The following UBR3 variants were observed in gnomAD, a reference collection of about 807,000 sequenced individuals.
UBR3 encodes ubiquitin protein ligase E3 component n-recognin 3.
Under a neutral mutation model 243.2 loss-of-function variants are expected in UBR3, and 85 were observed. That is an observed-to-expected ratio of 0.35 (90% CI 0.29 to 0.42). The LOEUF (loss-of-function observed/expected upper bound fraction) is 0.42, where lower values mean the gene tolerates loss of function less well. Ranked by LOEUF, UBR3 falls within the 10% of genes least tolerant of loss-of-function variation. The pLI, the probability that UBR3 is intolerant of heterozygous loss-of-function variation, is 1.00. For missense variants in UBR3, 1,686 were observed against 2,300.8 expected (o/e 0.73, Z 5.47); for synonymous variants, 748 against 799.8 (o/e 0.94, Z 1.09).
At chr2:169,954,165 T>TTTGTCTTGTC (rs77961475) in intron 23 of UBR3, among the ~76,000 whole-genome samples, 9,165 of 140,764 alleles carry the variant, frequency 0.065, 358 homozygotes, top group Middle Eastern at 0.1. Flanking sequence ...TAATGTTTGA[T>TTTGTCTTGTC]TTGTCTTGTC....
chr2:169,982,343 TATAA>T (rs1448062164), intron 24 of UBR3, among the ~76,000 whole-genome samples: 5 of 152,284 alleles, frequency 3.3e-5, no homozygotes, highest in African/African-American at 1.2e-4. Flanking sequence ...TTGATTGTTC[TATAA>T]ATACTTATTT....
chr2:169,872,799 A>C (rs898307151), intron 2 of UBR3, among the ~76,000 whole-genome samples: 4 of 151,960 alleles, frequency 2.6e-5, no homozygotes, highest in Admixed American at 2.6e-4. Context: ...TATTCTCTCT[A>C]TATATTATAT....
chr2:169,968,068 T>C (rs2087909871), intron 24 of UBR3, among the ~76,000 whole-genome samples: 1 of 152,176 alleles, frequency 6.6e-6, no homozygotes, highest in East Asian at 1.9e-4. Flanking sequence ...TAAAAAAATT[T>C]AATATTTACA....
At chr2:169,861,536 T>C (rs1320512229) in intron 1 of UBR3, among the ~76,000 whole-genome samples, 1 of 149,182 alleles carries the variant, frequency 6.7e-6, no homozygotes, top group Non-Finnish European at 1.5e-5. Context: ...GAACCTGGGA[T>C]GTGGAGGTTG....
At chr2:170,023,650 T>C (rs949046306) in intron 30 of UBR3, among the ~76,000 whole-genome samples, 1 of 152,136 alleles carries the variant, frequency 6.6e-6, no homozygotes, top group Non-Finnish European at 1.5e-5. Context: ...TGGAGTCCAG[T>C]GGTACGGTCT....
Position 169,950,618 on chromosome 2 carries a change from GA to G in UBR3, c.3545+562del, listed in dbSNP as rs201332443. Reference sequence around the variant, plus strand: ...TTTTTTTTCATCTTTTGACTTTCTTGAAAAAAAAATGGGATTTTTTTAAAAT... The same window carrying G: ...TTTTTTTTCATCTTTTGACTTTCTTGAAAAAAAATGGGATTTTTTTAAAAT... On this transcript the variant is annotated intron_variant, in intron 23 of 38. Transcript: ENST00000272793. Among the ~76,000 whole-genome samples the G allele has an allele frequency of 3.0e-3, 428 of 144,282 alleles. 2 individuals carry two copies. Among genetic ancestry groups the G allele is most frequent in the African/African-American group, 9.9e-3 (386 of 38,808 alleles). The allele number at this position is 144,282 out of a possible 152,430, so 94.7% of individuals were successfully genotyped here.
Position 169,878,592 on chromosome 2 carries a change from A to G in UBR3, c.1038+18A>G, listed in dbSNP as rs368421407. 7.4e-5 allele frequency: 114 copies of G among 1,545,814 alleles called. No homozygotes were observed. Among genetic ancestry groups the G allele is most frequent in the Admixed American group, 1.6e-4 (8 of 50,574 alleles). On this transcript the variant is annotated intron_variant, in intron 5 of 38. Transcript: ENST00000272793. ...CAGATGAGGTGAGATTTAAAGTTCA[A>G]AACTTTTTAAAAAGTACAATTTTGT...
At chr2:169,885,771 GAC>G (rs999218702) in intron 5 of UBR3, among the ~76,000 whole-genome samples, 2 of 151,900 alleles carry the variant, frequency 1.3e-5, no homozygotes, top group African/African-American at 4.8e-5. Context: ...CTTTATTCAA[GAC>G]ACAATCCAAG....
At chr2:170,065,180 GTTAC>G (rs1238252529) in intron 35 of UBR3, among the ~76,000 whole-genome samples, 2 of 152,178 alleles carry the variant, frequency 1.3e-5, no homozygotes, top group African/African-American at 4.8e-5. Context: ...AATCTGTCAA[GTTAC>G]TTCCCAAATC....
chr2:169,913,353 GT>G (rs1291144748), intron 10 of UBR3, among the ~76,000 whole-genome samples: 1 of 107,554 alleles, frequency 9.3e-6, no homozygotes, highest in Non-Finnish European at 2.4e-5. Context: ...TTGTTTGTTT[GT>G]TTTTTGTTTT....
intron 24 of UBR3, among the ~76,000 whole-genome samples, chr2:169,972,444 A>G (rs1455493271): frequency 6.6e-5 from 10 of 152,184 alleles, no homozygotes; most frequent in Non-Finnish European, 1.2e-4. Flanking sequence ...TACCAAAGCC[A>G]GGCAGAGACG....
In UBR3 at chr2:169,914,147, G is replaced by A; in HGVS notation, c.1866+1G>A. On this transcript the variant is annotated splice_donor_variant, in intron 11 of 38. Transcript: ENST00000272793. LOFTEE classifies it high-confidence loss of function. ...TGATGCTATTAACTTCGTAGACGAGGTATGTATATTTTTGATGTATGTAAA... is the reference window on the plus strand; with the variant it reads ...TGATGCTATTAACTTCGTAGACGAGATATGTATATTTTTGATGTATGTAAA... 1 of 1,485,780 alleles carries A rather than the reference G, an allele frequency of 6.7e-7. No individual in the cohort carries two copies. The highest frequency in any genetic ancestry group is 9.0e-7 in the Non-Finnish European group (1 of 1,114,998). 92.0% of individuals were successfully genotyped at this position (1,485,780 alleles called of 1,614,324 possible). A position where few individuals can be genotyped will look rare whatever the true frequency, so the allele number is the denominator to read the frequency against.
chr2:169,950,197 A>T, intron 23 of UBR3, 132 bp downstream of exon 23: 2 of 834,818 alleles, frequency 2.4e-6, no homozygotes, highest in Non-Finnish European at 3.6e-6. Context: ...TGTAACATAA[A>T]TGGAATGGAG....
intron 20 of UBR3, among the ~76,000 whole-genome samples, chr2:169,944,337 ATAAT>A (rs897868682): frequency 2.6e-5 from 4 of 152,196 alleles, no homozygotes; most frequent in Admixed American, 6.5e-5. Flanking sequence ...GTTATAAGTA[ATAAT>A]TAATAAGTGA....
At chr2:169,971,345 C>T (rs2088133299) in intron 24 of UBR3, among the ~76,000 whole-genome samples, 1 of 151,496 alleles carries the variant, frequency 6.6e-6, no homozygotes, top group South Asian at 2.1e-4. Context: ...TCCCATTTGT[C>T]AATTTTGGCT....
intron 29 of UBR3, 39 bp downstream of exon 29, chr2:170,008,979 A>C: frequency 8.0e-7 from 1 of 1,256,994 alleles, no homozygotes. Flanking sequence ...TTTACTTACT[A>C]TTAATAGTTG....
At chr2:169,857,069 T>TTTTTTTTG (rs2082906315) in intron 1 of UBR3, among the ~76,000 whole-genome samples, 1 of 18,308 alleles carries the variant, frequency 5.5e-5, no homozygotes, top group Non-Finnish European at 2.0e-4. Context: ...ATTATGTTTT[T>TTTTTTTTG]TTTTTTTTTT....
At chr2:169,931,457 T>G (rs946093596) in intron 18 of UBR3, among the ~76,000 whole-genome samples, 1 of 151,998 alleles carries the variant, frequency 6.6e-6, no homozygotes, top group African/African-American at 2.4e-5. Flanking sequence ...TCTGATACTT[T>G]AAGATGAATA....
chr2:169,885,379 C>T (rs1055956354), intron 5 of UBR3, among the ~76,000 whole-genome samples: 1 of 151,862 alleles, frequency 6.6e-6, no homozygotes, highest in Non-Finnish European at 1.5e-5. Context: ...GTTGGGAGTG[C>T]GAGACTAACC....
Sources: gnomAD v4.1 joint callset for allele counts (sites outside exome capture counted in the v4.1 genomes callset) on GRCh38, gnomAD v4.1.1 for gene constraint, MANE v1.5 for transcripts, NCBI Gene and HGNC (gene_info 2026-07-23, HGNC 2026-07-21) for gene names.